The following PRKG1 variants were observed in gnomAD, a reference collection of about 807,000 sequenced individuals.
PRKG1 encodes protein kinase cGMP-dependent 1, also known as cGMP-dependent protein kinase 1.
A neutral mutation model predicts 88.1 loss-of-function variants in PRKG1; 35 were observed. That is an observed-to-expected ratio of 0.40 (90% CI 0.30 to 0.53). PRKG1 has a LOEUF of 0.53. Among genes scored for constraint, PRKG1 ranks in the 20% least tolerant of loss-of-function variants. The probability of loss-of-function intolerance (pLI) is 0.59; values close to 1 mark genes in which losing one functional copy is unlikely to be tolerated. For synonymous variants in PRKG1, 303 were observed against 292.5 expected (o/e 1.04, Z -0.37); for missense variants, 540 against 839.8 (o/e 0.64, Z 4.41).
chr10:51,172,324 G>A (rs1201174847), intron 2 of PRKG1, among the ~76,000 whole-genome samples: 1 of 151,828 alleles, frequency 6.6e-6, no homozygotes. Context: ...AAACAAAAGG[G>A]GCATAAGCTA....
intron 3 of PRKG1, among the ~76,000 whole-genome samples, chr10:51,608,540 A>G (rs1564571095): frequency 6.6e-6 from 1 of 152,232 alleles, no homozygotes; most frequent in Non-Finnish European, 1.5e-5. Context: ...CAAAAGCTTT[A>G]TGATTCTAAC....
intron 1 of PRKG1, among the ~76,000 whole-genome samples, chr10:51,037,530 T>C (rs1332092919): frequency 6.6e-6 from 1 of 152,016 alleles, no homozygotes; most frequent in Non-Finnish European, 1.5e-5. Context: ...ATGCCTGTAA[T>C]CCCAGCACTT....
intron 2 of PRKG1, among the ~76,000 whole-genome samples, chr10:51,280,444 G>A (rs59912681): frequency 0.012 from 1,812 of 152,260 alleles, 31 homozygotes; most frequent in African/African-American, 0.04. Context: ...AAGTTCTCCT[G>A]GATAATATCC....
chr10:51,624,802 T>G (rs889654685), intron 3 of PRKG1, among the ~76,000 whole-genome samples: 2 of 152,228 alleles, frequency 1.3e-5, no homozygotes, highest in Admixed American at 6.5e-5. Context: ...ATATTCAAAC[T>G]ACATGATATT....
intron 10 of PRKG1, among the ~76,000 whole-genome samples, chr10:52,268,129 C>T (rs1239160564): frequency 6.6e-5 from 10 of 151,992 alleles, no homozygotes; most frequent in Admixed American, 5.3e-4. Flanking sequence ...TTCTAAGGGC[C>T]CTGCTCTAAG....
At chr10:52,017,721 G>A (rs1301245704) in intron 5 of PRKG1, among the ~76,000 whole-genome samples, 2 of 152,308 alleles carry the variant, frequency 1.3e-5, no homozygotes, top group Non-Finnish European at 2.9e-5. Context: ...GGGCTGCAGA[G>A]GAGTGGAGAT....
At chr10:51,457,680 A>G (rs75981040) in intron 2 of PRKG1, among the ~76,000 whole-genome samples, 3 of 152,254 alleles carry the variant, frequency 2.0e-5, no homozygotes, top group Admixed American at 2.0e-4. Context: ...TGTAGCACGT[A>G]TCAGCAGGTC....
intron 2 of PRKG1, among the ~76,000 whole-genome samples, chr10:51,180,245 A>G (rs1047315695): frequency 1.3e-5 from 2 of 152,198 alleles, no homozygotes; most frequent in African/African-American, 2.4e-5. Flanking sequence ...TCTTCAGATC[A>G]TCCTATGGAG....
intron 3 of PRKG1, among the ~76,000 whole-genome samples, chr10:51,769,051 A>T (rs942422806): frequency 4.6e-5 from 7 of 152,180 alleles, no homozygotes; most frequent in African/African-American, 1.7e-4. Flanking sequence ...GCTTTCACAA[A>T]CAACTGTTTG....
chr10:51,699,549 T>C (rs565546131), intron 3 of PRKG1: 2 of 1,606,964 alleles, frequency 1.2e-6, no homozygotes, highest in East Asian at 2.2e-5. Flanking sequence ...AAACTCGACA[T>C]GATTCCGGTT....
At chr10:51,752,149 T>C (rs375721363) in intron 3 of PRKG1, among the ~76,000 whole-genome samples, 2 of 152,266 alleles carry the variant, frequency 1.3e-5, no homozygotes, top group South Asian at 4.1e-4. Flanking sequence ...TCATTGTTTA[T>C]GTCCATCTCA....
At chr10:52,212,005 T>C (rs1839989708) in intron 9 of PRKG1, among the ~76,000 whole-genome samples, 1 of 152,194 alleles carries the variant, frequency 6.6e-6, no homozygotes, top group South Asian at 2.1e-4. Flanking sequence ...TGTTAAAACA[T>C]TTTTATTACT....
chr10:51,438,199 CA>C (rs557801971), intron 2 of PRKG1, among the ~76,000 whole-genome samples: 23 of 148,552 alleles, frequency 1.5e-4, no homozygotes, highest in African/African-American at 3.7e-4. Flanking sequence ...TTAGACTTAC[CA>C]AAAAAAAAAT....
At chr10:51,194,877 A>T (rs1837722780) in intron 2 of PRKG1, among the ~76,000 whole-genome samples, 1 of 152,004 alleles carries the variant, frequency 6.6e-6, no homozygotes, top group Non-Finnish European at 1.5e-5. Flanking sequence ...TTGTATAAAG[A>T]CCCCACTCTG....
intron 1 of PRKG1, among the ~76,000 whole-genome samples, chr10:51,113,728 T>TTAAA: frequency 1.1e-5 from 1 of 92,416 alleles, no homozygotes; most frequent in Non-Finnish European, 2.3e-5. Context: ...GCATTCTATT[T>TTAAA]AAAAAAAAAA....
At chr10:51,219,933 G>A (rs533202623) in intron 2 of PRKG1, among the ~76,000 whole-genome samples, 5 of 152,080 alleles carry the variant, frequency 3.3e-5, no homozygotes, top group South Asian at 4.2e-4. Context: ...ATGTGATCTC[G>A]CTCCCCTGAT....
chr10:51,228,764 C>A (rs749207832), intron 2 of PRKG1, among the ~76,000 whole-genome samples: 11 of 152,128 alleles, frequency 7.2e-5, no homozygotes, highest in Non-Finnish European at 1.6e-4. Context: ...TCTGTGCTGC[C>A]ACAGTGATTT....
At chr10:51,769,506 G>A (rs1838250006) in intron 3 of PRKG1, among the ~76,000 whole-genome samples, 1 of 151,962 alleles carries the variant, frequency 6.6e-6, no homozygotes, top group Non-Finnish European at 1.5e-5. Flanking sequence ...TTTTTTCAAA[G>A]GAATATTCCA....
chr10:51,672,290 A>C, intron 3 of PRKG1, among the ~76,000 whole-genome samples: 1 of 152,096 alleles, frequency 6.6e-6, no homozygotes, highest in East Asian at 1.9e-4. Flanking sequence ...GCTATATTGT[A>C]TATCTCCTTA....
Sources: gnomAD v4.1 joint callset for allele counts (sites outside exome capture counted in the v4.1 genomes callset) on GRCh38, gnomAD v4.1.1 for gene constraint, MANE v1.5 for transcripts, NCBI Gene and HGNC (gene_info 2026-07-23, HGNC 2026-07-21) for gene names.